Variants in THSD4 observed in about 807,000 individuals in gnomAD.
The protein encoded by THSD4 is thrombospondin type-1 domain-containing protein 4.
Under a neutral mutation model 119.0 loss-of-function variants are expected in THSD4, and 69 were observed. That is an observed-to-expected ratio of 0.58 (90% CI 0.48 to 0.71). THSD4 has a LOEUF of 0.71. Ranked by LOEUF, THSD4 falls within the 30% of genes least tolerant of loss-of-function variation. The pLI is 0.00. For missense variants in THSD4, 1,393 were observed against 1,391.1 expected, an observed-to-expected ratio of 1.00 and a Z score of -0.02; for synonymous variants, 524 against 540.4, an observed-to-expected ratio of 0.97 and a Z score of 0.42.
chr15:71,553,109 A>T (rs1386763734), intron 7 of THSD4, among the ~76,000 whole-genome samples: 1 of 152,170 alleles, frequency 6.6e-6, no homozygotes, highest in Non-Finnish European at 1.5e-5. Context: ...ATTCTTGTAC[A>T]TTTATAAACG....
In THSD4 at chr15:71,235,714, G is replaced by A. The variant is rs142917079; in HGVS notation, c.465-6935G>A. ...CAATTCTTGTGCCTCAGCCTCTCCC[G>A]AGTAGCTGGGACCACAGGTGTGCAC... is the stretch of plus-strand genomic sequence containing the variant. On this transcript the variant is annotated intron_variant, in intron 4 of 17. Coordinates refer to ENST00000261862, the MANE Select transcript of THSD4 (RefSeq NM_024817.3). Among the ~76,000 whole-genome samples, 1,113 of 150,818 alleles carry A rather than the reference G, an allele frequency of 7.4e-3. 18 individuals are homozygous for A. The highest frequency in any genetic ancestry group is 0.026 in the African/African-American group (1,048 of 41,092).
intron 7 of THSD4, among the ~76,000 whole-genome samples, chr15:71,562,813 C>T (rs1176350077): frequency 4.6e-5 from 7 of 151,668 alleles, no homozygotes; most frequent in African/African-American, 1.7e-4. Context: ...AGCAATTCTC[C>T]TGCCTCAGCC....
chr15:71,264,139 A>C (rs12913458), intron 6 of THSD4, among the ~76,000 whole-genome samples: 70,908 of 152,098 alleles, frequency 0.47, 17,893 homozygotes, highest in East Asian at 0.74. Context: ...CATAGACAAT[A>C]TTATCAGAAC....
intron 14 of THSD4, among the ~76,000 whole-genome samples, chr15:71,753,848 T>A (rs1160468022): frequency 6.6e-6 from 1 of 152,222 alleles, no homozygotes; most frequent in Non-Finnish European, 1.5e-5. Context: ...ATGAAACTCC[T>A]CTACAGGCCT....
intron 7 of THSD4, among the ~76,000 whole-genome samples, chr15:71,606,993 G>A (rs1038748332): frequency 6.6e-6 from 1 of 152,244 alleles, no homozygotes; most frequent in African/African-American, 2.4e-5. Flanking sequence ...CAAAAGCTCA[G>A]CAATGCTCCA....
At chr15:71,645,108 A>ATTTGAG (rs2050942763) in intron 7 of THSD4, among the ~76,000 whole-genome samples, 4 of 152,142 alleles carry the variant, frequency 2.6e-5, no homozygotes, top group Non-Finnish European at 5.9e-5. Flanking sequence ...CAAAGCTGGT[A>ATTTGAG]CCTCAGGGCT....
intron 4 of THSD4, among the ~76,000 whole-genome samples, chr15:71,226,347 T>C (rs575092879): frequency 1.3e-5 from 2 of 152,194 alleles, no homozygotes; most frequent in African/African-American, 2.4e-5. Context: ...TGTGTGTCCA[T>C]GTTCATGTGT....
intron 7 of THSD4, among the ~76,000 whole-genome samples, chr15:71,655,385 TGAA>T (rs1270020206): frequency 6.6e-6 from 1 of 152,166 alleles, no homozygotes; most frequent in Non-Finnish European, 1.5e-5. Flanking sequence ...TTTCACCAAA[TGAA>T]GAAGAAAATA....
At chr15:71,201,386 C>T (rs1370281240) in intron 3 of THSD4, among the ~76,000 whole-genome samples, 1 of 152,172 alleles carries the variant, frequency 6.6e-6, no homozygotes, top group East Asian at 1.9e-4. Flanking sequence ...TGAATGTACT[C>T]ATGTAGTATT....
chr15:71,131,985 G>A (rs181951419), intron 1 of THSD4, among the ~76,000 whole-genome samples: 2 of 152,320 alleles, frequency 1.3e-5, no homozygotes, highest in Non-Finnish European at 2.9e-5. Flanking sequence ...ATAGTGACTT[G>A]AGCAAAAATC....
At chr15:71,438,229 T>A (rs1166302899) in intron 7 of THSD4, among the ~76,000 whole-genome samples, 1 of 152,242 alleles carries the variant, frequency 6.6e-6, no homozygotes, top group Non-Finnish European at 1.5e-5. Flanking sequence ...GTTGCTGATC[T>A]TTTTCTTAAC....
At chr15:71,213,961 G>A (rs1411545771) in intron 3 of THSD4, among the ~76,000 whole-genome samples, 1 of 152,168 alleles carries the variant, frequency 6.6e-6, no homozygotes, top group South Asian at 2.1e-4. Context: ...CTATTGAGAG[G>A]TGAAGCCAGG....
chr15:71,112,657 G>A (rs528469185), upstream of THSD4, among the ~76,000 whole-genome samples: 3 of 152,268 alleles, frequency 2.0e-5, no homozygotes, highest in South Asian at 2.1e-4. Flanking sequence ...GGTAAGCACA[G>A]GCTAGCCTTT....
In THSD4 at chr15:71,747,532, C is replaced by T. The variant is rs151191528; in HGVS notation, c.2241+490C>T. ...GTTGGACATGTTCCAAAGTCTGTTA[C>T]AAGTTGAAAGGCTTTTAGAAGAAAG... On this transcript the variant is annotated intron_variant, in intron 13 of 17. Transcript: ENST00000261862. Among the ~76,000 whole-genome samples the T allele has an allele frequency of 2.1e-4, 32 of 152,324 alleles. No homozygotes were observed. In the East Asian group the frequency reaches 4.0e-3, roughly 19 times the overall value.
chr15:71,168,716 A>G (rs2043320910), intron 3 of THSD4, among the ~76,000 whole-genome samples: 1 of 152,228 alleles, frequency 6.6e-6, no homozygotes, highest in African/African-American at 2.4e-5. Flanking sequence ...AGGATGTGCA[A>G]CCAGTGACTT....
At chr15:71,157,585 T>C (rs2040791175) in intron 3 of THSD4, among the ~76,000 whole-genome samples, 1 of 151,972 alleles carries the variant, frequency 6.6e-6, no homozygotes, top group African/African-American at 2.4e-5. Context: ...TTTGTACCCA[T>C]TGACCAACCT....
At chr15:71,180,461 T>C (rs35644926) in intron 3 of THSD4, among the ~76,000 whole-genome samples, 19,902 of 152,168 alleles carry the variant, frequency 0.13, 1,552 homozygotes, top group East Asian at 0.4. Flanking sequence ...ACAAAAACTT[T>C]TGGGTGATGG....
intron 5 of THSD4, among the ~76,000 whole-genome samples, chr15:71,248,367 G>A (rs768084433): frequency 5.9e-5 from 9 of 152,264 alleles, no homozygotes; most frequent in East Asian, 1.9e-4. Context: ...TAGGGACTCC[G>A]AATTCAACAC....
At position 71,603,760 on chromosome 15, in the gene THSD4, C is replaced by T. The variant is rs147527004; in HGVS notation, c.1153-56770C>T. The stretch of plus-strand genomic sequence containing the variant: ...CTCTGGTGGGAGAATTTGAATTTGA[C>T]GCAGTGGGCATGGGCCATGGTGCAT... On this transcript the variant is annotated intron_variant, in intron 7 of 17. Transcript: ENST00000261862. 2.8e-3 allele frequency among the ~76,000 whole-genome samples: 420 copies of T among 152,238 alleles called. 5 individuals carry two copies. The highest frequency in any genetic ancestry group is 9.1e-3 in the African/African-American group (378 of 41,536).
Sources: allele counts gnomAD v4.1 joint callset (sites outside exome capture counted in the v4.1 genomes callset), GRCh38; gene constraint gnomAD v4.1.1; transcripts MANE v1.5; gene names NCBI Gene and HGNC (gene_info 2026-07-23, HGNC 2026-07-21).